MAPK10: variants seen among roughly 807,000 people sequenced by gnomAD.
MAPK10 encodes JNK3 alpha protein kinase.
In MAPK10, 25 loss-of-function variants were observed where a neutral mutation model predicts 59.3. That is an observed-to-expected ratio of 0.42 (90% CI 0.31 to 0.59). The LOEUF (loss-of-function observed/expected upper bound fraction) is 0.59. Among genes scored for constraint, MAPK10 ranks in the 20% least tolerant of loss-of-function variants. The probability of loss-of-function intolerance (pLI) is 0.15; values close to 1 mark genes in which losing one functional copy is unlikely to be tolerated. For synonymous variants in MAPK10, 190 were observed against 200.5 expected, an observed-to-expected ratio of 0.95 and a Z score of 0.44; for missense variants, 351 against 568.9, an observed-to-expected ratio of 0.62 and a Z score of 3.90.
intron 1 of MAPK10, among the ~76,000 whole-genome samples, chr4:86,443,204 A>G (rs1305286124): frequency 6.6e-6 from 1 of 152,158 alleles, no homozygotes; most frequent in Non-Finnish European, 1.5e-5. Flanking sequence ...TTTTACCTCC[A>G]GGAGCTCTAT....
chr4:86,317,387 T>G lies in MAPK10; in HGVS notation c.-7+37143A>C, dbSNP rs545811480. On this transcript the variant is annotated intron_variant, in intron 2 of 13. Coordinates refer to ENST00000641462, the MANE Select transcript of MAPK10 (RefSeq NM_138982.4). Reference sequence around the variant, plus strand: ...TCTGCCCTCCTTAGTCCTGCCCACCTCTGAGGGCCAGACTTAAATACTGTA... The same window carrying G: ...TCTGCCCTCCTTAGTCCTGCCCACCGCTGAGGGCCAGACTTAAATACTGTA... Among the ~76,000 whole-genome samples the G allele has an allele frequency of 2.6e-5, 4 of 152,264 alleles. 1 individual carries two copies. In the South Asian group the frequency reaches 8.3e-4, roughly 32 times the overall value.
At chr4:86,248,422 T>C (rs986029996) in intron 2 of MAPK10, among the ~76,000 whole-genome samples, 1 of 152,206 alleles carries the variant, frequency 6.6e-6, no homozygotes, top group African/African-American at 2.4e-5. Flanking sequence ...TTTTAAAATC[T>C]CAATTCATCA....
chr4:86,437,693 T>C (rs1341283563), intron 1 of MAPK10, among the ~76,000 whole-genome samples: 1 of 152,228 alleles, frequency 6.6e-6, no homozygotes, highest in Non-Finnish European at 1.5e-5. Context: ...TATCTTTTTA[T>C]GCTGATCATA....
intron 1 of MAPK10, among the ~76,000 whole-genome samples, chr4:86,397,526 G>A (rs1440390140): frequency 6.6e-6 from 1 of 152,066 alleles, no homozygotes; most frequent in African/African-American, 2.4e-5. Context: ...CTTTGAAGAA[G>A]AGAGAAATGG....
At chr4:86,534,043 A>C (rs1353315754) in intron 1 of MAPK10, among the ~76,000 whole-genome samples, 3 of 152,126 alleles carry the variant, frequency 2.0e-5, no homozygotes, top group Non-Finnish European at 4.4e-5. Flanking sequence ...CATAACCACT[A>C]AATTTATTTC....
chr4:86,181,661 T>G (rs1347377230), intron 3 of MAPK10, among the ~76,000 whole-genome samples: 5 of 152,128 alleles, frequency 3.3e-5, no homozygotes, highest in Non-Finnish European at 5.9e-5. Context: ...TTTCCCTCTT[T>G]CATTGAATAT....
At chr4:86,555,678 T>C (rs909827510) in intron 1 of MAPK10, among the ~76,000 whole-genome samples, 2 of 152,242 alleles carry the variant, frequency 1.3e-5, no homozygotes, top group African/African-American at 4.8e-5. Flanking sequence ...CTTTCTTTCC[T>C]TGACTATCTT....
intron 4 of MAPK10, among the ~76,000 whole-genome samples, chr4:86,135,310 T>C (rs1562148911): frequency 2.0e-5 from 3 of 152,182 alleles, no homozygotes; most frequent in Non-Finnish European, 2.9e-5. Flanking sequence ...AAGAGAGCAG[T>C]GGATCTCCCA....
intron 2 of MAPK10, among the ~76,000 whole-genome samples, chr4:86,200,017 A>G (rs17011459): frequency 0.085 from 12,918 of 152,014 alleles, 1,220 homozygotes; most frequent in African/African-American, 0.23. Flanking sequence ...CTATAGGAAA[A>G]AAATACTAAC....
At chr4:86,435,224 C>T (rs1413978556) in intron 1 of MAPK10, among the ~76,000 whole-genome samples, 2 of 152,132 alleles carry the variant, frequency 1.3e-5, no homozygotes, top group African/African-American at 4.8e-5. Context: ...AGGCCAGGCG[C>T]AGTGGCTCAT....
chr4:86,535,880 A>T (rs1052708871), intron 1 of MAPK10, among the ~76,000 whole-genome samples: 2 of 152,254 alleles, frequency 1.3e-5, no homozygotes, highest in African/African-American at 2.4e-5. Context: ...AAAACATCTT[A>T]TCAAATATGA....
At chr4:86,211,405 G>A (rs1050342730) in intron 2 of MAPK10, among the ~76,000 whole-genome samples, 1 of 152,048 alleles carries the variant, frequency 6.6e-6, no homozygotes, top group African/African-American at 2.4e-5. Flanking sequence ...AAACTTTGGA[G>A]GGCAGAAGGG....
chr4:86,447,468 G>A (rs1010727074), intron 1 of MAPK10, among the ~76,000 whole-genome samples: 3 of 151,980 alleles, frequency 2.0e-5, no homozygotes, highest in African/African-American at 7.3e-5. Context: ...GTATAAACCA[G>A]GTTCTTGAAA....
chr4:86,369,406 T>C (rs1035940003), intron 1 of MAPK10, among the ~76,000 whole-genome samples: 2 of 152,222 alleles, frequency 1.3e-5, no homozygotes, highest in African/African-American at 2.4e-5. Context: ...TGGTGAATTC[T>C]GGGTCTGTCT....
chr4:86,399,479 T>C (rs1743393876), intron 1 of MAPK10, among the ~76,000 whole-genome samples: 1 of 152,178 alleles, frequency 6.6e-6, no homozygotes, highest in South Asian at 2.1e-4. Context: ...CAAGTTCTTA[T>C]AGATTCTGGA....
chr4:86,244,525 T>C (rs747371501), intron 2 of MAPK10, among the ~76,000 whole-genome samples: 1 of 152,216 alleles, frequency 6.6e-6, no homozygotes, highest in Non-Finnish European at 1.5e-5. Context: ...CGAGTTCTAG[T>C]GTTTCAGTTC....
chr4:86,273,911 ACT>A (rs1563862916), intron 2 of MAPK10, among the ~76,000 whole-genome samples: 2 of 150,310 alleles, frequency 1.3e-5, no homozygotes, highest in Non-Finnish European at 2.9e-5. Flanking sequence ...TACTAGTTTC[ACT>A]GATTTTTATC....
chr4:86,372,567 A>AG (rs146996916), intron 1 of MAPK10, among the ~76,000 whole-genome samples: 44,688 of 132,554 alleles, frequency 0.34, 8,971 homozygotes, highest in Non-Finnish European at 0.42. Context: ...AAAGAAAGAA[A>AG]GAAAAGAAAA....
intron 11 of MAPK10, among the ~76,000 whole-genome samples, chr4:86,049,060 A>G (rs1351245836): frequency 2.6e-5 from 4 of 152,094 alleles, no homozygotes; most frequent in African/African-American, 9.7e-5. Flanking sequence ...TTTGTGTACC[A>G]CATTTACATA....
Sources: allele counts gnomAD v4.1 joint callset (sites outside exome capture counted in the v4.1 genomes callset), GRCh38; gene constraint gnomAD v4.1.1; transcripts MANE v1.5; gene names NCBI Gene and HGNC (gene_info 2026-07-23, HGNC 2026-07-21).